KIAA1671: variants seen among roughly 807,000 people sequenced by gnomAD.
KIAA1671 encodes uncharacterized protein KIAA1671.
A neutral mutation model predicts 131.2 loss-of-function variants in KIAA1671; 52 were observed. The ratio of observed to expected loss-of-function variants is 0.40; its 90% CI spans 0.32 to 0.50. The LOEUF (loss-of-function observed/expected upper bound fraction) is 0.50, where lower values mean the gene tolerates loss of function less well. KIAA1671 is among the 20% of genes least tolerant of loss of function. The probability of loss-of-function intolerance (pLI) is 0.73; values close to 1 mark genes in which losing one functional copy is unlikely to be tolerated. For synonymous variants in KIAA1671, 1,003 were observed against 961.6 expected (o/e 1.04, Z -0.80); for missense variants, 2,360 against 2,364.2 (o/e 1.00, Z 0.04).
At chr22:24,978,645 G>T (rs1367153924) in intron 1 of KIAA1671, among the ~76,000 whole-genome samples, 1 of 152,068 alleles carries the variant, frequency 6.6e-6, no homozygotes, top group Non-Finnish European at 1.5e-5. Flanking sequence ...TTTAAAAATT[G>T]TGAAATATGG....
At chr22:25,096,560 T>C (rs1414495135) in intron 6 of KIAA1671, among the ~76,000 whole-genome samples, 1 of 152,248 alleles carries the variant, frequency 6.6e-6, no homozygotes. Flanking sequence ...CCCATGTCCT[T>C]TGCCCTCAAA....
intron 1 of KIAA1671, among the ~76,000 whole-genome samples, chr22:24,958,581 G>A (rs1211656483): frequency 6.6e-6 from 1 of 151,256 alleles, no homozygotes; most frequent in Admixed American, 6.6e-5. Flanking sequence ...AACCCCGGAG[G>A]TGGAGGGTGT....
At chr22:25,148,208 C>A (rs1018209194) in intron 6 of KIAA1671, among the ~76,000 whole-genome samples, 1 of 151,676 alleles carries the variant, frequency 6.6e-6, no homozygotes, top group African/African-American at 2.4e-5. Context: ...CCAGCACCCC[C>A]CTCAGTCCCA....
chr22:25,026,087 T>C (rs1925929057), intron 2 of KIAA1671, among the ~76,000 whole-genome samples: 1 of 152,222 alleles, frequency 6.6e-6, no homozygotes, highest in Non-Finnish European at 1.5e-5. Flanking sequence ...CCCTCCATTC[T>C]ACCTCTAACC....
intron 6 of KIAA1671, among the ~76,000 whole-genome samples, chr22:25,118,745 C>T (rs1277778050): frequency 6.6e-6 from 1 of 152,106 alleles, no homozygotes; most frequent in Non-Finnish European, 1.5e-5. Flanking sequence ...TTTTCCTGTG[C>T]GACCTGGCCC....
intron 9 of KIAA1671, among the ~76,000 whole-genome samples, chr22:25,181,144 ATATCAC>A: frequency 1.3e-5 from 2 of 152,028 alleles, no homozygotes; most frequent in Non-Finnish European, 1.5e-5. Context: ...AACTCCTCCC[ATATCAC>A]TCCTGGAAGA....
chr22:25,008,399 TAAA>T (rs1569204768), intron 1 of KIAA1671, among the ~76,000 whole-genome samples: 2 of 151,804 alleles, frequency 1.3e-5, no homozygotes, highest in Admixed American at 6.6e-5. Flanking sequence ...CACCACCCTG[TAAA>T]ATGGGGTTAA....
In KIAA1671 at chr22:25,117,636, CAG is replaced by C. The variant is rs1555880488; in HGVS notation, c.4531-53182_4531-53181del. On this transcript the variant is annotated intron_variant, in intron 6 of 12. Transcript: ENST00000358431. ...ACACACACACACACACACACACACA[CAG>C]ACACACTGCTTCAGCAAGTGGGGGA... 1.5e-3 allele frequency among the ~76,000 whole-genome samples: 213 copies of C among 144,522 alleles called. 2 individuals carry two copies. The highest frequency in any genetic ancestry group is 2.0e-3 in the South Asian group (9 of 4,406). 94.8% of individuals were successfully genotyped at this position (144,522 alleles called of 152,430 possible). A position where few individuals can be genotyped will look rare whatever the true frequency, so the allele number is the denominator to read the frequency against.
chr22:25,189,126 CTTTTTTTTT>C (rs200226589), intron 11 of KIAA1671, among the ~76,000 whole-genome samples: 10 of 114,878 alleles, frequency 8.7e-5, no homozygotes, highest in African/African-American at 2.7e-4. Flanking sequence ...CAGTCTTTTT[CTTTTTTTTT>C]TTTTTTTTTT....
At chr22:24,967,881 T>A (rs1022500007) in intron 1 of KIAA1671, among the ~76,000 whole-genome samples, 15 of 152,026 alleles carry the variant, frequency 9.9e-5, no homozygotes, top group Non-Finnish European at 1.9e-4. Context: ...TAGTCCCAGC[T>A]ACTCGGGAGG....
At chr22:24,954,672 T>C (rs988732081) in intron 1 of KIAA1671, among the ~76,000 whole-genome samples, 2 of 152,202 alleles carry the variant, frequency 1.3e-5, no homozygotes, top group African/African-American at 4.8e-5. Context: ...TAGTACTGAT[T>C]CTTGATGTTG....
intron 6 of KIAA1671, chr22:25,065,007 C>A (rs970458256): frequency 6.6e-6 from 1 of 152,216 alleles, no homozygotes; most frequent in Non-Finnish European, 1.5e-5. Context: ...CATTTTTTGC[C>A]GTTGGCATTA....
At chr22:24,960,982 T>C (rs1396585759) in intron 1 of KIAA1671, among the ~76,000 whole-genome samples, 2 of 152,030 alleles carry the variant, frequency 1.3e-5, no homozygotes, top group African/African-American at 2.4e-5. Context: ...AGTGACAACA[T>C]TTTGTTGCCC....
At chr22:25,143,163 T>C (rs1225437443) in intron 6 of KIAA1671, among the ~76,000 whole-genome samples, 1 of 152,190 alleles carries the variant, frequency 6.6e-6, no homozygotes, top group Non-Finnish European at 1.5e-5. Flanking sequence ...GAGACAGTGG[T>C]GAGTGACATT....
intron 6 of KIAA1671, among the ~76,000 whole-genome samples, chr22:25,093,498 G>C (rs1334027878): frequency 1.3e-5 from 2 of 152,082 alleles, no homozygotes; most frequent in African/African-American, 4.8e-5. Context: ...GACACTCACT[G>C]CTGGCAGTTC....
At chr22:25,125,043 G>A (rs1932114543) in intron 6 of KIAA1671, among the ~76,000 whole-genome samples, 1 of 152,222 alleles carries the variant, frequency 6.6e-6, no homozygotes, top group Non-Finnish European at 1.5e-5. Flanking sequence ...ACAGGCATGA[G>A]CCACTGTTCC....
chr22:24,975,309 TC>T (rs1286743664), intron 1 of KIAA1671, among the ~76,000 whole-genome samples: 5 of 151,610 alleles, frequency 3.3e-5, no homozygotes, highest in Non-Finnish European at 7.4e-5. Flanking sequence ...TATCAGTGAT[TC>T]TTTTTTTTTT....
At chr22:25,190,854 C>G in intron 12 of KIAA1671, 70 bp downstream of exon 12, 2 of 1,084,916 alleles carry the variant, frequency 1.8e-6, no homozygotes, top group Non-Finnish European at 2.8e-6. Context: ...CTCAGGGGGG[C>G]CACGCTTCAG....
intron 6 of KIAA1671, among the ~76,000 whole-genome samples, chr22:25,140,705 A>G (rs1191081704): frequency 1.3e-5 from 2 of 152,194 alleles, no homozygotes; most frequent in African/African-American, 4.8e-5. Flanking sequence ...AGAAGTGGGG[A>G]ACAGGGAGCA....
Sources: allele counts gnomAD v4.1 joint callset (sites outside exome capture counted in the v4.1 genomes callset), GRCh38; gene constraint gnomAD v4.1.1; transcripts MANE v1.5; gene names NCBI Gene and HGNC (gene_info 2026-07-23, HGNC 2026-07-21).